NXPH1: variants seen among roughly 807,000 people sequenced by gnomAD.
NXPH1 encodes neurexophilin 1.
NXPH1 carries 5 observed loss-of-function variants against 23.7 expected under a neutral mutation model. The ratio of observed to expected loss-of-function variants is 0.21; its 90% confidence interval spans 0.11 to 0.44. The LOEUF is 0.44. NXPH1 is among the 20% of genes least tolerant of loss of function. The pLI is 0.99. For synonymous variants in NXPH1, 144 were observed against 122.2 expected (o/e 1.18, Z -1.18); for missense variants, 324 against 321.6 (o/e 1.01, Z -0.06).
chr7:8,742,763 ATAATGTT>A (rs533420725), intron 2 of NXPH1, among the ~76,000 whole-genome samples: 65 of 152,256 alleles, frequency 4.3e-4, no homozygotes, highest in Non-Finnish European at 7.5e-4. Context: ...TTAATTTCCT[ATAATGTT>A]TAATGTTTTA....
chr7:8,620,514 T>G (rs369575665), intron 2 of NXPH1, among the ~76,000 whole-genome samples: 3 of 152,268 alleles, frequency 2.0e-5, no homozygotes, highest in South Asian at 2.1e-4. Flanking sequence ...GGCAAAAGAA[T>G]ATTGCTACTG....
At chr7:8,464,256 A>C (rs2128607288) in intron 2 of NXPH1, among the ~76,000 whole-genome samples, 1 of 152,128 alleles carries the variant, frequency 6.6e-6, no homozygotes, top group East Asian at 1.9e-4. Flanking sequence ...TTTTACCAAC[A>C]ATGTATGAGA....
chr7:8,460,422 A>C lies in NXPH1; in HGVS notation c.54+24655A>C, dbSNP rs551410637. The stretch of plus-strand genomic sequence containing the variant: ...ATTTTTGTTAAGAATTAATTTTTTA[A>C]AATCAAGCAGTAGAGTACAAATTCA... On this transcript the variant is annotated intron_variant, in intron 2 of 2. Coordinates refer to ENST00000405863, the MANE Select transcript of NXPH1 (RefSeq NM_152745.3). 2.2e-3 allele frequency among the ~76,000 whole-genome samples: 341 copies of C among 152,266 alleles called. 1 individual carries two copies. The highest frequency in any genetic ancestry group is 3.9e-3 in the Non-Finnish European group (265 of 68,030).
intron 2 of NXPH1, among the ~76,000 whole-genome samples, chr7:8,537,666 T>G (rs1818049407): frequency 6.6e-6 from 1 of 151,894 alleles, no homozygotes. Context: ...TATCAAGCAC[T>G]AAACTGGGAA....
chr7:8,536,844 G>A (rs1818035369), intron 2 of NXPH1, among the ~76,000 whole-genome samples: 1 of 151,898 alleles, frequency 6.6e-6, no homozygotes, highest in Non-Finnish European at 1.5e-5. Flanking sequence ...TATGGATACA[G>A]GGTGAGAAGG....
chr7:8,670,096 G>A (rs756179656), intron 2 of NXPH1, among the ~76,000 whole-genome samples: 17 of 152,142 alleles, frequency 1.1e-4, no homozygotes, highest in Non-Finnish European at 2.4e-4. Context: ...CCCTAATGAC[G>A]TAAACCAATG....
At chr7:8,647,210 C>G (rs1820411068) in intron 2 of NXPH1, among the ~76,000 whole-genome samples, 1 of 152,220 alleles carries the variant, frequency 6.6e-6, no homozygotes, top group African/African-American at 2.4e-5. Context: ...CCTGATCCCT[C>G]AACCCTGACC....
intron 2 of NXPH1, among the ~76,000 whole-genome samples, chr7:8,471,824 T>A (rs1199077401): frequency 6.6e-6 from 1 of 152,128 alleles, no homozygotes; most frequent in African/African-American, 2.4e-5. Flanking sequence ...CAGGAGAGCA[T>A]CTTAAATTCT....
Position 8,678,928 on chromosome 7 carries a change from A to ATTTTTTTTTTTTTTTT in NXPH1, c.55-72060_55-72045dup, listed in dbSNP as rs540056222. ...TCTAGATTTATCTTTGCTTTATCCA[A>ATTTTTTTTTTTTTTTT]TTTTTTTTTTTTTTTTTTTTTTTTT... On this transcript the variant is annotated intron_variant, in intron 2 of 2. Transcript: ENST00000405863. Among the ~76,000 whole-genome samples the ATTTTTTTTTTTTTTTT allele has an allele frequency of 6.1e-3, 421 of 68,778 alleles. 43 individuals are homozygous for ATTTTTTTTTTTTTTTT. Among genetic ancestry groups the ATTTTTTTTTTTTTTTT allele is most frequent in the Non-Finnish European group, 7.8e-3 (311 of 39,998 alleles). 45.1% of individuals were successfully genotyped at this position (68,778 alleles called of 152,430 possible).
At chr7:8,592,221 CATT>C (rs1819113436) in intron 2 of NXPH1, among the ~76,000 whole-genome samples, 1 of 151,928 alleles carries the variant, frequency 6.6e-6, no homozygotes. Context: ...GGTGTATACT[CATT>C]ATGGGACATG....
chr7:8,738,397 GGAGTTT>G (rs1382533420), intron 2 of NXPH1, among the ~76,000 whole-genome samples: 2 of 152,176 alleles, frequency 1.3e-5, no homozygotes, highest in South Asian at 2.1e-4. Context: ...CAGGTCTGTT[GGAGTTT>G]GCTGGAGGTC....
At position 8,442,952 on chromosome 7, in the gene NXPH1, G is replaced by C. The variant is rs1436280933; in HGVS notation, c.54+7185G>C. On this transcript the variant is annotated intron_variant, in intron 2 of 2. Coordinates refer to ENST00000405863, the MANE Select transcript of NXPH1 (RefSeq NM_152745.3). This position sits in a 1 kb window ranked among gnomAD's most constrained non-coding sequence, Gnocchi z 4.6. ...TCGCGGGCAGGCGGGCGTGGGGCAC[G>C]CCAGGGCCGGGAGAGCGACTCTTCA... Among the ~76,000 whole-genome samples, 1 of 152,240 alleles carries C rather than the reference G, an allele frequency of 6.6e-6. No homozygotes were observed. Among genetic ancestry groups the C allele is most frequent in the Admixed American group, 6.5e-5 (1 of 15,292 alleles).
chr7:8,506,983 G>C lies in NXPH1; in HGVS notation c.54+71216G>C, dbSNP rs547523996. On this transcript the variant is annotated intron_variant, in intron 2 of 2. Coordinates refer to ENST00000405863, the MANE Select transcript of NXPH1 (RefSeq NM_152745.3). ...GCATGGGTGTGACATGATCAGATTT[G>C]CATGTCAAGTGCCCACCCCGGGAAG... Among the ~76,000 whole-genome samples, 98 of 149,476 alleles carry C rather than the reference G, an allele frequency of 6.6e-4. 1 individual carries two copies. Among genetic ancestry groups the C allele is most frequent in the Non-Finnish European group, 1.2e-3 (84 of 67,948 alleles).
At chr7:8,711,682 A>G (rs912128588) in intron 2 of NXPH1, among the ~76,000 whole-genome samples, 3 of 152,142 alleles carry the variant, frequency 2.0e-5, no homozygotes, top group Non-Finnish European at 4.4e-5. Flanking sequence ...AGGGGTGTGT[A>G]TGCATACATA....
At chr7:8,506,806 C>T (rs1817530725) in intron 2 of NXPH1, among the ~76,000 whole-genome samples, 1 of 152,100 alleles carries the variant, frequency 6.6e-6, no homozygotes. Flanking sequence ...TGGAACATTA[C>T]AAGTATCTGA....
At chr7:8,603,646 A>G (rs1183049459) in intron 2 of NXPH1, among the ~76,000 whole-genome samples, 1 of 152,088 alleles carries the variant, frequency 6.6e-6, no homozygotes, top group Non-Finnish European at 1.5e-5. Flanking sequence ...CTACTTTTGG[A>G]TAGAATATAA....
chr7:8,605,010 G>T (rs1819451551), intron 2 of NXPH1, among the ~76,000 whole-genome samples: 1 of 151,924 alleles, frequency 6.6e-6, no homozygotes, highest in Non-Finnish European at 1.5e-5. Context: ...GTACATCATT[G>T]CTAATTGTCA....
chr7:8,492,905 GT>G (rs1317395303), intron 2 of NXPH1, among the ~76,000 whole-genome samples: 1 of 151,962 alleles, frequency 6.6e-6, no homozygotes, highest in Non-Finnish European at 1.5e-5. Flanking sequence ...TAGCCAGAGT[GT>G]TCTAAGTGAA....
chr7:8,684,352 C>T (rs958427211), intron 2 of NXPH1, among the ~76,000 whole-genome samples: 9 of 152,088 alleles, frequency 5.9e-5, no homozygotes, highest in Admixed American at 2.0e-4. Context: ...TGAAACTTGG[C>T]CTTTGATATG....
Sources: gnomAD v4.1 joint callset for allele counts (sites outside exome capture counted in the v4.1 genomes callset) on GRCh38, gnomAD v4.1.1 for gene constraint, Gnocchi (gnomAD v3.1) non-coding constraint, MANE v1.5 for transcripts, NCBI Gene and HGNC (gene_info 2026-07-23, HGNC 2026-07-21) for gene names.